Variants in OMA1 observed in about 807,000 individuals in gnomAD.
The protein encoded by OMA1 is metalloendopeptidase OMA1, mitochondrial.
A neutral mutation model predicts 30.9 loss-of-function variants in OMA1; 38 were observed. The ratio of observed to expected loss-of-function variants is 1.23; its 90% CI spans 0.95 to 1.61. OMA1 has a LOEUF of 1.61. OMA1 is among the 40% of genes most tolerant of loss of function. The pLI, the probability that OMA1 is intolerant of heterozygous loss-of-function variation, is 0.00. For synonymous variants in OMA1, 173 were observed against 121.9 expected, an observed-to-expected ratio of 1.42 and a Z score of -2.76; for missense variants, 461 against 349.2, an observed-to-expected ratio of 1.32 and a Z score of -2.55.
intron 5 of OMA1, among the ~76,000 whole-genome samples, chr1:58,532,247 A>G (rs1055364691): frequency 1.3e-5 from 2 of 152,170 alleles, no homozygotes; most frequent in African/African-American, 4.8e-5. Flanking sequence ...CTCTGCAAAA[A>G]CATATTAATA....
intron 7 of OMA1, among the ~76,000 whole-genome samples, chr1:58,508,758 A>T (rs1036185778): frequency 6.6e-6 from 1 of 152,116 alleles, no homozygotes; most frequent in Non-Finnish European, 1.5e-5. Context: ...GAACAAGCAC[A>T]CAAGCAGTTG....
At chr1:58,485,219 G>T in intron 8 of OMA1, among the ~76,000 whole-genome samples, 1 of 48,340 alleles carries the variant, frequency 2.1e-5, no homozygotes. Context: ...AAATAAAAGA[G>T]TCTACTACTA....
At chr1:58,481,259 T>C (rs1253840416) in intron 8 of OMA1, 85 bp from the exon 9 acceptor site, 1 of 472,968 alleles carries the variant, frequency 2.1e-6, no homozygotes. Context: ...ATATGCTCCA[T>C]GTAAAACAAA....
chr1:58,532,456 ATAT>A lies in OMA1; in HGVS notation c.1011+1494_1011+1496del, dbSNP rs371585963. 5.4e-3 allele frequency among the ~76,000 whole-genome samples: 827 copies of A among 152,346 alleles called. 6 individuals carry two copies. The highest frequency in any genetic ancestry group is 0.019 in the African/African-American group (793 of 41,576). On this transcript the variant is annotated intron_variant, in intron 5 of 8. Transcript: ENST00000371226. Reference sequence around the variant, plus strand: ...CAGTTGTGAAGCCATTACTTGAAAGATATTAGAGTGCATATAATAACACTGCTT... The same window carrying A: ...CAGTTGTGAAGCCATTACTTGAAAGATAGAGTGCATATAATAACACTGCTT...
intron 7 of OMA1, among the ~76,000 whole-genome samples, chr1:58,516,031 GA>G (rs1305952932): frequency 6.6e-6 from 1 of 152,130 alleles, no homozygotes; most frequent in Non-Finnish European, 1.5e-5. Flanking sequence ...GTTACTTGAG[GA>G]AACTAGCAGG....
chr1:58,535,595 C>CAAA (rs11315198), intron 3 of OMA1, among the ~76,000 whole-genome samples: 11 of 95,532 alleles, frequency 1.2e-4, no homozygotes, highest in African/African-American at 1.6e-4. Flanking sequence ...GTCTCTGTCT[C>CAAA]AAAAAAAAAA....
chr1:58,509,527 C>T (rs1444106469), intron 7 of OMA1, among the ~76,000 whole-genome samples: 2 of 130,350 alleles, frequency 1.5e-5, no homozygotes, highest in Non-Finnish European at 3.3e-5. Context: ...TAATGATAAA[C>T]ACCTACATTA....
chr1:58,482,438 G>A (rs1645504063), intron 8 of OMA1, among the ~76,000 whole-genome samples: 1 of 152,180 alleles, frequency 6.6e-6, no homozygotes, highest in African/African-American at 2.4e-5. Context: ...TGGGTATATG[G>A]ATAATTTTAA....
At chr1:58,519,809 A>T (rs1646233037) in intron 7 of OMA1, among the ~76,000 whole-genome samples, 2 of 152,238 alleles carry the variant, frequency 1.3e-5, no homozygotes, top group South Asian at 4.1e-4. Flanking sequence ...AAAATGGAGA[A>T]TTTCACCAGA....
chr1:58,485,127 G>A (rs959057593), intron 8 of OMA1, among the ~76,000 whole-genome samples: 2 of 150,616 alleles, frequency 1.3e-5, no homozygotes, highest in Non-Finnish European at 2.9e-5. Flanking sequence ...TGGTATGGGA[G>A]GCTGTGAGTA....
intron 3 of OMA1, among the ~76,000 whole-genome samples, chr1:58,535,917 T>C (rs1646509179): frequency 6.6e-6 from 1 of 152,166 alleles, no homozygotes. Context: ...GAATTCTGAC[T>C]ATAAATCTAT....
chr1:58,497,762 T>C (rs1645828588), intron 8 of OMA1, among the ~76,000 whole-genome samples: 1 of 152,184 alleles, frequency 6.6e-6, no homozygotes, highest in Admixed American at 6.5e-5. Flanking sequence ...ACAATCTACA[T>C]AACAAACCTT....
At chr1:58,493,970 A>G (rs547468453) in intron 8 of OMA1, among the ~76,000 whole-genome samples, 1 of 147,064 alleles carries the variant, frequency 6.8e-6, no homozygotes, top group Non-Finnish European at 1.5e-5. Context: ...GTCAATCCTA[A>G]GCAAAAAGAA....
chr1:58,503,251 G>A (rs1375835456), intron 8 of OMA1, among the ~76,000 whole-genome samples: 2 of 152,114 alleles, frequency 1.3e-5, no homozygotes, highest in Admixed American at 1.3e-4. Context: ...GACAGGCCCA[G>A]GCCTCCCAGG....
intron 7 of OMA1, among the ~76,000 whole-genome samples, chr1:58,510,267 A>G (rs1170726457): frequency 6.6e-6 from 1 of 152,168 alleles, no homozygotes; most frequent in Non-Finnish European, 1.5e-5. Flanking sequence ...GATCATATTA[A>G]AAGGATCACA....
chr1:58,517,582 G>A (rs898650310), intron 7 of OMA1, among the ~76,000 whole-genome samples: 4 of 152,128 alleles, frequency 2.6e-5, no homozygotes, highest in African/African-American at 9.7e-5. Context: ...TGGAATGAAT[G>A]TTTCCTGTAT....
intron 8 of OMA1, among the ~76,000 whole-genome samples, chr1:58,494,554 A>G (rs2100387773): frequency 6.6e-6 from 1 of 152,302 alleles, no homozygotes; most frequent in South Asian, 2.1e-4. Flanking sequence ...TCTACAATGA[A>G]CTCAAACAAA....
intron 8 of OMA1, among the ~76,000 whole-genome samples, chr1:58,492,029 A>G (rs1434042532): frequency 6.6e-6 from 1 of 152,242 alleles, no homozygotes; most frequent in Non-Finnish European, 1.5e-5. Flanking sequence ...AGCACTCCTC[A>G]GCAAATTAAA....
intron 1 of OMA1, among the ~76,000 whole-genome samples, chr1:58,541,965 G>A (rs1646630202): frequency 1.3e-5 from 2 of 152,282 alleles, no homozygotes; most frequent in Admixed American, 6.5e-5. Flanking sequence ...AAAAAAATAT[G>A]TAAACTTCAA....
Sources: allele counts gnomAD v4.1 joint callset (sites outside exome capture counted in the v4.1 genomes callset), GRCh38; gene constraint gnomAD v4.1.1; transcripts MANE v1.5; gene names NCBI Gene and HGNC (gene_info 2026-07-23, HGNC 2026-07-21).